DCHS2: variants seen among roughly 807,000 people sequenced by gnomAD.
DCHS2 encodes the protein dachsous cadherin-related 2.
A neutral mutation model predicts 182.4 loss-of-function variants in DCHS2; 142 were observed. That is an observed-to-expected ratio of 0.78 (90% CI 0.68 to 0.89). The LOEUF (loss-of-function observed/expected upper bound fraction) is 0.89, where lower values mean the gene tolerates loss of function less well. DCHS2 is among the 40% of genes least tolerant of loss of function. The probability of loss-of-function intolerance (pLI) is 0.00; values close to 1 mark genes in which losing one functional copy is unlikely to be tolerated. For synonymous variants in DCHS2, 1,740 were observed against 1,663.3 expected, an observed-to-expected ratio of 1.05 and a Z score of -1.12; for missense variants, 4,319 against 4,198.6, an observed-to-expected ratio of 1.03 and a Z score of -0.79.
chr4:154,489,241 A>G (rs896592942), intron 1 of DCHS2, 63 bp downstream of exon 1: 1 of 1,348,170 alleles, frequency 7.4e-7, no homozygotes, highest in Non-Finnish European at 9.9e-7. Context: ...TCCTAGGCCA[A>G]CTCACAACCC....
chr4:154,427,406 A>G (rs1325933037), intron 1 of DCHS2, among the ~76,000 whole-genome samples: 2 of 152,222 alleles, frequency 1.3e-5, no homozygotes, highest in Admixed American at 1.3e-4. Context: ...CAGCTCTAAG[A>G]GAAGAGCTGT....
chr4:154,261,010 A>C (rs1181335791), intron 14 of DCHS2, among the ~76,000 whole-genome samples: 1 of 152,160 alleles, frequency 6.6e-6, no homozygotes, highest in South Asian at 2.1e-4. Context: ...TCCACTTTAC[A>C]ATAAAATTTC....
chr4:154,440,583 A>T (rs898677013), intron 1 of DCHS2, among the ~76,000 whole-genome samples: 46 of 151,802 alleles, frequency 3.0e-4, no homozygotes, highest in African/African-American at 9.4e-4. Context: ...CATTGTCATA[A>T]TTTTTTTTTA....
intron 1 of DCHS2, among the ~76,000 whole-genome samples, chr4:154,411,036 C>T (rs115030846): frequency 0.016 from 2,463 of 152,268 alleles, 34 homozygotes; most frequent in Non-Finnish European, 0.025. Flanking sequence ...ACAGGAAATA[C>T]GTCCTTCAGA....
chr4:154,299,278 T>C (rs1735104588), intron 12 of DCHS2, among the ~76,000 whole-genome samples: 1 of 152,190 alleles, frequency 6.6e-6, no homozygotes, highest in African/African-American at 2.4e-5. Flanking sequence ...TTAGAGTTAG[T>C]TGGACACTTG....
At chr4:154,310,138 G>A (rs1441874505) in intron 10 of DCHS2, among the ~76,000 whole-genome samples, 1 of 152,176 alleles carries the variant, frequency 6.6e-6, no homozygotes, top group Non-Finnish European at 1.5e-5. Flanking sequence ...GTAGCCAAGT[G>A]CAAATCTGAC....
At chr4:154,444,726 C>G (rs941116448) in intron 1 of DCHS2, among the ~76,000 whole-genome samples, 1 of 152,156 alleles carries the variant, frequency 6.6e-6, no homozygotes, top group Non-Finnish European at 1.5e-5. Flanking sequence ...GTTTCAAAAG[C>G]CTTCACTCAC....
chr4:154,478,503 C>T (rs908179614), intron 1 of DCHS2, among the ~76,000 whole-genome samples: 1 of 152,042 alleles, frequency 6.6e-6, no homozygotes, highest in African/African-American at 2.4e-5. Context: ...TTTATTTAGG[C>T]TGTGAACCTG....
At position 154,236,454 on chromosome 4, in the gene DCHS2, A is replaced by AT; in HGVS notation, c.8197dup (p.Met2733AsnfsTer30). ...TTGGACAGTTAAGGTGAATTTTGTC[A>AT]TTTTTTCATAATCCAGAGGTTTAAT... On this transcript the variant is annotated frameshift_variant, in exon 20 of 20. Coordinates refer to ENST00000357232, the MANE Select transcript of DCHS2 (RefSeq NM_001358235.2). LOFTEE classifies it low-confidence loss of function (END_TRUNC). 3.1e-6 allele frequency: 5 copies of AT among 1,614,022 alleles called. No individual in the cohort carries two copies. The Middle Eastern group carries it at 5.0e-4, about 160-fold the overall frequency.
chr4:154,388,182 TC>T (rs1279184690), intron 1 of DCHS2, among the ~76,000 whole-genome samples: 1 of 152,164 alleles, frequency 6.6e-6, no homozygotes, highest in Non-Finnish European at 1.5e-5. Flanking sequence ...CATTATTTAT[TC>T]TAAAACCCAA....
intron 16 of DCHS2, among the ~76,000 whole-genome samples, chr4:154,251,400 A>G (rs1178650643): frequency 5.3e-5 from 2 of 37,742 alleles, no homozygotes; most frequent in African/African-American, 8.4e-5. Flanking sequence ...TCTTTATTTT[A>G]TAAATCATGT....
chr4:154,322,209 C>A (rs1160824818), intron 8 of DCHS2, 122 bp downstream of exon 8: 2 of 1,337,302 alleles, frequency 1.5e-6, no homozygotes, highest in Non-Finnish European at 2.0e-6. Flanking sequence ...AAATAGTATT[C>A]ATGTAACATA....
intron 1 of DCHS2, among the ~76,000 whole-genome samples, chr4:154,406,177 G>A (rs562695991): frequency 3.3e-5 from 5 of 152,232 alleles, no homozygotes; most frequent in Admixed American, 1.3e-4. Flanking sequence ...CACAGCCCAG[G>A]CCTAGGCCAT....
intron 1 of DCHS2, among the ~76,000 whole-genome samples, chr4:154,442,726 C>T (rs959517437): frequency 6.6e-6 from 1 of 152,036 alleles, no homozygotes; most frequent in African/African-American, 2.4e-5. Flanking sequence ...AGGCACATGT[C>T]ATCAGAGACA....
chr4:154,294,250 T>G (rs1734817743), intron 13 of DCHS2, among the ~76,000 whole-genome samples: 1 of 152,178 alleles, frequency 6.6e-6, no homozygotes, highest in Non-Finnish European at 1.5e-5. Context: ...CTTCTTAAAA[T>G]TGAATATTGT....
intron 1 of DCHS2, among the ~76,000 whole-genome samples, chr4:154,478,340 C>A (rs903185355): frequency 7.2e-5 from 11 of 152,166 alleles, no homozygotes; most frequent in Admixed American, 6.5e-4. Flanking sequence ...TGAAACCTAC[C>A]CTCCTGCATG....
chr4:154,386,231 C>G (rs1179573290), intron 1 of DCHS2, among the ~76,000 whole-genome samples: 1 of 152,198 alleles, frequency 6.6e-6, no homozygotes. Flanking sequence ...AATCTGACCC[C>G]TGGCTACTTC....
chr4:154,451,223 G>A (rs1040433459), intron 1 of DCHS2, among the ~76,000 whole-genome samples: 2 of 152,176 alleles, frequency 1.3e-5, no homozygotes, highest in Non-Finnish European at 2.9e-5. Context: ...GGCAGGCCCA[G>A]CTAGGTGAAT....
intron 1 of DCHS2, among the ~76,000 whole-genome samples, chr4:154,398,737 G>A (rs1732035601): frequency 6.6e-6 from 1 of 152,094 alleles, no homozygotes; most frequent in South Asian, 2.1e-4. Flanking sequence ...CTTACTGCCG[G>A]CCCTAACCAA....
Sources: gnomAD v4.1 joint callset for allele counts (sites outside exome capture counted in the v4.1 genomes callset) on GRCh38, gnomAD v4.1.1 for gene constraint, MANE v1.5 for transcripts, NCBI Gene and HGNC (gene_info 2026-07-23, HGNC 2026-07-21) for gene names.